MACROD2: variants seen among roughly 807,000 people sequenced by gnomAD.
MACROD2 encodes the protein mono-ADP ribosylhydrolase 2.
Under a neutral mutation model 70.4 loss-of-function variants are expected in MACROD2, and 36 were observed. The observed-to-expected ratio is 0.51, with a 90% confidence interval of 0.39 to 0.68. MACROD2 has a LOEUF of 0.68. Among genes scored for constraint, MACROD2 ranks in the 30% least tolerant of loss-of-function variants. MACROD2 has a pLI of 0.00. For missense variants in MACROD2, 496 were observed against 538.4 expected (o/e 0.92, Z 0.78); for synonymous variants, 172 against 178.8 (o/e 0.96, Z 0.30).
chr20:14,210,554 A>T (rs540809744), intron 3 of MACROD2, among the ~76,000 whole-genome samples: 25 of 152,128 alleles, frequency 1.6e-4, no homozygotes, highest in Admixed American at 1.4e-3. Flanking sequence ...CCTGAGAAGA[A>T]TTTTTTTTAC....
intron 6 of MACROD2, among the ~76,000 whole-genome samples, chr20:15,427,045 A>G (rs2046307785): frequency 2.0e-5 from 3 of 152,096 alleles, no homozygotes; most frequent in Admixed American, 2.0e-4. Flanking sequence ...TCTGAGTAAT[A>G]AAAAATGATT....
chr20:15,787,034 G>T (rs2051941249), intron 8 of MACROD2, among the ~76,000 whole-genome samples: 1 of 152,098 alleles, frequency 6.6e-6, no homozygotes, highest in Non-Finnish European at 1.5e-5. Flanking sequence ...ATGCAGTGGT[G>T]TGATCTCGGC....
intron 12 of MACROD2, among the ~76,000 whole-genome samples, chr20:15,953,466 A>G (rs1026409150): frequency 1.3e-5 from 2 of 152,276 alleles, no homozygotes; most frequent in Admixed American, 6.5e-5. Context: ...AAACATCACC[A>G]TGTACCCTAT....
intron 5 of MACROD2, among the ~76,000 whole-genome samples, chr20:14,849,574 G>A (rs905451069): frequency 3.3e-5 from 5 of 152,064 alleles, no homozygotes; most frequent in African/African-American, 1.2e-4. Flanking sequence ...GAGGTCAGGA[G>A]TTCAAAACCA....
intron 13 of MACROD2, among the ~76,000 whole-genome samples, chr20:15,974,158 T>C (rs1299117569): frequency 6.6e-6 from 1 of 152,146 alleles, no homozygotes; most frequent in African/African-American, 2.4e-5. Flanking sequence ...CTGGCCGACA[T>C]TTCAAAGACA....
chr20:14,367,716 A>T (rs1303570651), intron 3 of MACROD2, among the ~76,000 whole-genome samples: 1 of 152,082 alleles, frequency 6.6e-6, no homozygotes, highest in Admixed American at 6.6e-5. Context: ...CTTGGTTTCC[A>T]GTCATTTGAT....
chr20:14,482,159 G>A (rs2084670591), intron 3 of MACROD2, among the ~76,000 whole-genome samples: 1 of 152,034 alleles, frequency 6.6e-6, no homozygotes, highest in Non-Finnish European at 1.5e-5. Flanking sequence ...GCGTTAGGGT[G>A]AATGCAGAGC....
intron 5 of MACROD2, among the ~76,000 whole-genome samples, chr20:14,816,158 G>T (rs1055338728): frequency 6.6e-6 from 1 of 151,964 alleles, no homozygotes; most frequent in African/African-American, 2.4e-5. Context: ...ATGAAGGTAC[G>T]GAAAGATAAG....
intron 5 of MACROD2, among the ~76,000 whole-genome samples, chr20:15,113,001 AC>A (rs774443626): frequency 7.9e-5 from 9 of 113,662 alleles, no homozygotes; most frequent in Non-Finnish European, 1.4e-4. Context: ...TATTTATATC[AC>A]ATTTTGCTTA....
chr20:15,236,380 T>C (rs1308711055), intron 6 of MACROD2, among the ~76,000 whole-genome samples: 2 of 152,122 alleles, frequency 1.3e-5, no homozygotes, highest in African/African-American at 2.4e-5. Context: ...CAAACCCACA[T>C]TGACAGATCC....
At chr20:15,787,292 T>C (rs1430060833) in intron 8 of MACROD2, among the ~76,000 whole-genome samples, 1 of 152,226 alleles carries the variant, frequency 6.6e-6, no homozygotes, top group Non-Finnish European at 1.5e-5. Context: ...TAGTTTTATG[T>C]ATATACTTAT....
At chr20:15,727,884 G>A (rs1166373702) in intron 8 of MACROD2, among the ~76,000 whole-genome samples, 1 of 152,100 alleles carries the variant, frequency 6.6e-6, no homozygotes, top group Non-Finnish European at 1.5e-5. Context: ...GGAACAGCTT[G>A]ATTTCTTCTC....
intron 4 of MACROD2, among the ~76,000 whole-genome samples, chr20:14,549,837 T>C (rs542748924): frequency 6.6e-6 from 1 of 152,316 alleles, no homozygotes; most frequent in Admixed American, 6.5e-5. Context: ...TTTATCACCA[T>C]TGTTAGTAAT....
chr20:15,836,761 G>A (rs1377205429), intron 8 of MACROD2, among the ~76,000 whole-genome samples: 2 of 152,282 alleles, frequency 1.3e-5, no homozygotes, highest in Admixed American at 1.3e-4. Flanking sequence ...CAACCTCCAT[G>A]AGCTGCGCAG....
In MACROD2 at chr20:14,230,669, C is replaced by CTATATATA. The variant is rs71190120; in HGVS notation, c.271+144965_271+144972dup. ...TATATATATATAACACAGGCTGGGCCTATATATATATATATATATATATAT... is the reference window on the plus strand; with the variant it reads ...TATATATATATAACACAGGCTGGGCCTATATATATATATATATATATATATATATATAT... On this transcript the variant is annotated intron_variant, in intron 3 of 17. Transcript: ENST00000684519. Among the ~76,000 whole-genome samples the CTATATATA allele has an allele frequency of 9.7e-5, 9 of 92,918 alleles. 1 individual carries two copies. The highest frequency in any genetic ancestry group is 4.1e-4 in the African/African-American group (8 of 19,290). 61.0% of individuals were successfully genotyped at this position (92,918 alleles called of 152,430 possible).
In MACROD2 at chr20:14,773,568, GC is replaced by G. The variant is rs573176146; in HGVS notation, c.418+88611del. Among the ~76,000 whole-genome samples, 1,002 of 151,878 alleles carry G rather than the reference GC, an allele frequency of 6.6e-3. 19 individuals carry two copies. The highest frequency in any genetic ancestry group is 0.023 in the African/African-American group (966 of 41,340). On this transcript the variant is annotated intron_variant, in intron 5 of 17. Transcript: ENST00000684519. ...AAATGGGAGGATTTTCTTTATTATGGCCAAATAATATTCTATTATGTATACA... is the reference window on the plus strand; with the variant it reads ...AAATGGGAGGATTTTCTTTATTATGGCAAATAATATTCTATTATGTATACA...
chr20:15,558,736 A>G (rs572546353), intron 8 of MACROD2, among the ~76,000 whole-genome samples: 2 of 152,310 alleles, frequency 1.3e-5, no homozygotes, highest in East Asian at 3.9e-4. Flanking sequence ...AGGAAAGAAA[A>G]CTTCAGGCAG....
intron 3 of MACROD2, among the ~76,000 whole-genome samples, chr20:14,449,730 C>G (rs1416336246): frequency 6.6e-6 from 1 of 152,114 alleles, no homozygotes; most frequent in Non-Finnish European, 1.5e-5. Context: ...TTCATATCCT[C>G]ATTTTATTGG....
intron 8 of MACROD2, among the ~76,000 whole-genome samples, chr20:15,581,138 A>G (rs981901420): frequency 2.6e-5 from 4 of 152,164 alleles, no homozygotes; most frequent in African/African-American, 9.7e-5. Context: ...GGATTGAGAG[A>G]GATGGGGAAG....
Sources: gnomAD v4.1 joint callset for allele counts (sites outside exome capture counted in the v4.1 genomes callset) on GRCh38, gnomAD v4.1.1 for gene constraint, MANE v1.5 for transcripts, NCBI Gene and HGNC (gene_info 2026-07-23, HGNC 2026-07-21) for gene names.